The following PLCB4 variants were observed in gnomAD, a reference collection of about 807,000 sequenced individuals.
PLCB4 encodes the protein phospholipase C beta 4.
In PLCB4, 77 loss-of-function variants were observed where a neutral mutation model predicts 178.8. That is an observed-to-expected ratio of 0.43 (90% confidence interval 0.36 to 0.52). The LOEUF (loss-of-function observed/expected upper bound fraction) is 0.52, where lower values mean the gene tolerates loss of function less well. Ranked by LOEUF, PLCB4 falls within the 20% of genes least tolerant of loss-of-function variation. The pLI, the probability that PLCB4 is intolerant of heterozygous loss-of-function variation, is 0.00. For synonymous variants in PLCB4, 496 were observed against 490.8 expected (o/e 1.01, Z -0.14); for missense variants, 1,024 against 1,453.4 (o/e 0.70, Z 4.80).
intron 29 of PLCB4, among the ~76,000 whole-genome samples, chr20:9,435,899 A>G (rs902639815): frequency 6.6e-6 from 1 of 152,236 alleles, no homozygotes; most frequent in African/African-American, 2.4e-5. Flanking sequence ...CCCATTAGAA[A>G]GAAAATGCAA....
intron 2 of PLCB4, among the ~76,000 whole-genome samples, chr20:9,144,940 T>C (rs2092570845): frequency 6.6e-6 from 1 of 152,078 alleles, no homozygotes; most frequent in Non-Finnish European, 1.5e-5. Flanking sequence ...GCAGAGCTAT[T>C]TTCCTAGCTC....
At chr20:9,399,104 T>C (rs180842490) in intron 19 of PLCB4, among the ~76,000 whole-genome samples, 97 of 152,358 alleles carry the variant, frequency 6.4e-4, no homozygotes, top group African/African-American at 2.1e-3. Flanking sequence ...TCATGTATTA[T>C]TCTTAAAGGT....
At chr20:9,091,221 A>G (rs1432243791) in intron 1 of PLCB4, among the ~76,000 whole-genome samples, 4 of 42,740 alleles carry the variant, frequency 9.4e-5, no homozygotes, top group Non-Finnish European at 2.9e-4. Context: ...GGTAGCTTTA[A>G]AAAAAAAACA....
chr20:9,266,885 CT>C (rs1479605332), intron 3 of PLCB4, among the ~76,000 whole-genome samples: 1 of 152,038 alleles, frequency 6.6e-6, no homozygotes, highest in Non-Finnish European at 1.5e-5. Flanking sequence ...TAACATTAAA[CT>C]GCAAAATGTA....
intron 3 of PLCB4, among the ~76,000 whole-genome samples, chr20:9,233,913 A>G (rs182216703): frequency 6.6e-6 from 1 of 152,300 alleles, no homozygotes; most frequent in Admixed American, 6.5e-5. Context: ...TTAGAAAATC[A>G]CTGCTGCAGT....
intron 2 of PLCB4, among the ~76,000 whole-genome samples, chr20:9,113,611 C>T (rs755890619): frequency 2.6e-5 from 4 of 152,060 alleles, no homozygotes; most frequent in Non-Finnish European, 5.9e-5. Context: ...TTTCTAATAA[C>T]CAAACTTGTT....
intron 3 of PLCB4, chr20:9,280,608 G>A: frequency 5.1e-6 from 1 of 195,710 alleles, no homozygotes; most frequent in Non-Finnish European, 9.3e-6. Flanking sequence ...TTTTAGTGTT[G>A]CCAAACACCT....
At chr20:9,442,836 C>G (rs1207797253) in intron 30 of PLCB4, among the ~76,000 whole-genome samples, 1 of 152,192 alleles carries the variant, frequency 6.6e-6, no homozygotes, top group South Asian at 2.1e-4. Context: ...TCAGCCAAAA[C>G]TTTCCTTCTG....
At chr20:9,100,935 G>C (rs2091123346) in intron 2 of PLCB4, among the ~76,000 whole-genome samples, 1 of 152,118 alleles carries the variant, frequency 6.6e-6, no homozygotes, top group Non-Finnish European at 1.5e-5. Context: ...TGTGTCGCCC[G>C]TGGAGGGATT....
In PLCB4 at chr20:9,337,174, G is replaced by A; in HGVS notation, c.133G>A (p.Gly45Ser). 1 of 1,613,240 alleles carries A rather than the reference G, an allele frequency of 6.2e-7. No individual in the cohort carries two copies. The highest frequency in any genetic ancestry group is 8.5e-7 in the Non-Finnish European group (1 of 1,179,380). The change falls in exon 5 of 40, where the codon GGC becomes AGC. Residue 45 changes from glycine to serine, a missense_variant. By Grantham distance (56) the Gly-to-Ser change is moderately conservative (BLOSUM62 0). This residue lies in a region of PLCB4 where 225 missense variants were observed against 291.0 expected (regional missense o/e 0.77). Coordinates refer to ENST00000378473, the MANE Select transcript of PLCB4 (RefSeq NM_001377142.1). ...PNCLFKVDEF[G>S]FFLTWRSEGK... Reference sequence around the variant, plus strand: ...CTGCCTCTTCAAAGTGGATGAGTTTGGCTTCTTTCTGACATGGAGAAGTGA... The same window carrying A: ...CTGCCTCTTCAAAGTGGATGAGTTTAGCTTCTTTCTGACATGGAGAAGTGA...
At chr20:9,322,194 A>G (rs1014998235) in intron 4 of PLCB4, among the ~76,000 whole-genome samples, 3 of 149,976 alleles carry the variant, frequency 2.0e-5, no homozygotes, top group African/African-American at 7.4e-5. Context: ...ACTGGGCTCA[A>G]GTGAGCCTCC....
intron 2 of PLCB4, among the ~76,000 whole-genome samples, chr20:9,174,406 A>G (rs2093118730): frequency 6.6e-6 from 1 of 150,978 alleles, no homozygotes; most frequent in Admixed American, 6.6e-5. Flanking sequence ...CTACCTCCCA[A>G]AGTGCTGGGA....
chr20:9,293,031 A>G (rs1175392084), intron 3 of PLCB4, among the ~76,000 whole-genome samples: 1 of 152,142 alleles, frequency 6.6e-6, no homozygotes, highest in East Asian at 1.9e-4. Flanking sequence ...GTGAGGCCAG[A>G]TCGTGCCACT....
intron 2 of PLCB4, among the ~76,000 whole-genome samples, chr20:9,116,335 T>C (rs2091778132): frequency 6.6e-6 from 1 of 152,188 alleles, no homozygotes. Flanking sequence ...GTGTCCCTTA[T>C]ATGTACGTAT....
chr20:9,329,724 T>G (rs935165264), intron 4 of PLCB4, among the ~76,000 whole-genome samples: 1 of 152,192 alleles, frequency 6.6e-6, no homozygotes, highest in Non-Finnish European at 1.5e-5. Flanking sequence ...AGGTAATACT[T>G]GTAGCACATA....
intron 4 of PLCB4, among the ~76,000 whole-genome samples, chr20:9,334,447 A>G (rs959567631): frequency 6.6e-6 from 1 of 152,152 alleles, no homozygotes. Context: ...GGTAGTAAGT[A>G]ACCATTGAGA....
chr20:9,288,806 C>G (rs1011596745), intron 3 of PLCB4, among the ~76,000 whole-genome samples: 1 of 151,966 alleles, frequency 6.6e-6, no homozygotes, highest in Non-Finnish European at 1.5e-5. Context: ...AAAGTTTCAG[C>G]TACTCAAAAA....
chr20:9,468,768 A>G, intron 36 of PLCB4, 96 bp downstream of exon 36: 1 of 668,550 alleles, frequency 1.5e-6, no homozygotes, highest in Non-Finnish European at 2.7e-6. Context: ...CAACTGAGAC[A>G]GCAAAACACT....
At chr20:9,424,094 A>G (rs559994393) in intron 28 of PLCB4, 142 bp downstream of exon 28, 14 of 624,926 alleles carry the variant, frequency 2.2e-5, no homozygotes, top group Middle Eastern at 4.3e-4. Flanking sequence ...TACCTTGAAT[A>G]CATCAAGAAT....
Sources: gnomAD v4.1 joint callset for allele counts (sites outside exome capture counted in the v4.1 genomes callset) on GRCh38, gnomAD v4.1.1 for gene constraint, gnomAD v4.1.1 regional missense constraint, MANE v1.5 for transcripts, NCBI Gene and HGNC (gene_info 2026-07-23, HGNC 2026-07-21) for gene names.